The following PTPRN2 variants were observed in gnomAD, a reference collection of about 807,000 sequenced individuals.
PTPRN2 encodes receptor-type tyrosine-protein phosphatase N2.
Under a neutral mutation model 118.8 loss-of-function variants are expected in PTPRN2, and 74 were observed. The observed-to-expected ratio is 0.62, with a 90% CI of 0.52 to 0.76. The LOEUF is 0.76. Ranked by LOEUF, PTPRN2 falls within the 30% of genes least tolerant of loss-of-function variation. The probability of loss-of-function intolerance (pLI) is 0.00; values close to 1 mark genes in which losing one functional copy is unlikely to be tolerated. For synonymous variants in PTPRN2, 641 were observed against 608.0 expected (o/e 1.05, Z -0.80); for missense variants, 1,481 against 1,394.4 (o/e 1.06, Z -0.99).
intron 3 of PTPRN2, among the ~76,000 whole-genome samples, chr7:158,294,718 G>T (rs1297726103): frequency 6.6e-6 from 1 of 152,234 alleles, no homozygotes; most frequent in African/African-American, 2.4e-5. Flanking sequence ...GGAGACCTGG[G>T]AGCACGGGTC....
chr7:158,076,493 T>A (rs1375280765), intron 11 of PTPRN2, among the ~76,000 whole-genome samples: 8 of 152,242 alleles, frequency 5.3e-5, no homozygotes, highest in Admixed American at 5.2e-4. Context: ...GGGGCCAACC[T>A]GCCTGTGTCC....
intron 2 of PTPRN2, among the ~76,000 whole-genome samples, chr7:158,409,861 G>A (rs898449708): frequency 1.3e-5 from 2 of 152,156 alleles, no homozygotes; most frequent in African/African-American, 2.4e-5. Flanking sequence ...TGTTGACGTC[G>A]CCTCTCAAAA....
At chr7:158,578,279 C>CA (rs1828442942) in intron 1 of PTPRN2, among the ~76,000 whole-genome samples, 1 of 142,166 alleles carries the variant, frequency 7.0e-6, no homozygotes, top group Non-Finnish European at 1.5e-5. Context: ...TTATTTAAGT[C>CA]ACCTTTTTTT....
intron 2 of PTPRN2, among the ~76,000 whole-genome samples, chr7:158,419,683 G>A (rs563571159): frequency 1.3e-4 from 20 of 152,184 alleles, no homozygotes; most frequent in Admixed American, 7.9e-4. Flanking sequence ...GAAGAGAGTC[G>A]AATTCACAAG....
At chr7:158,228,615 A>G in intron 3 of PTPRN2, among the ~76,000 whole-genome samples, 1 of 151,958 alleles carries the variant, frequency 6.6e-6, no homozygotes, top group East Asian at 1.9e-4. Context: ...ATACAAAAGG[A>G]GACAGTTCCC....
chr7:157,559,878 G>A (rs370229390), intron 21 of PTPRN2, among the ~76,000 whole-genome samples: 12 of 152,030 alleles, frequency 7.9e-5, no homozygotes, highest in Admixed American at 5.9e-4. Context: ...CTCAGGGGCC[G>A]CCTGCTGCCA....
intron 11 of PTPRN2, chr7:158,028,106 C>CA (rs1184658037): frequency 6.6e-6 from 1 of 152,188 alleles, no homozygotes; most frequent in Non-Finnish European, 1.5e-5. Context: ...CCAAGATGGC[C>CA]AGACAAGAAT....
At chr7:158,158,322 G>A (rs548559841) in intron 6 of PTPRN2, among the ~76,000 whole-genome samples, 2 of 152,232 alleles carry the variant, frequency 1.3e-5, no homozygotes, top group South Asian at 2.1e-4. Flanking sequence ...TGGGCTGCGG[G>A]GAACACGCCC....
chr7:157,546,818 G>A (rs909201424), intron 22 of PTPRN2, among the ~76,000 whole-genome samples: 6 of 152,178 alleles, frequency 3.9e-5, no homozygotes, highest in African/African-American at 2.4e-5. Flanking sequence ...CTCACTTCAC[G>A]AAGGGTCCTG....
At chr7:158,071,545 T>A (rs1585338656) in intron 11 of PTPRN2, among the ~76,000 whole-genome samples, 1 of 125,370 alleles carries the variant, frequency 8.0e-6, no homozygotes, top group African/African-American at 3.2e-5. Context: ...ATGATGGAGG[T>A]GCTCCTGGTG....
At chr7:158,327,437 T>C (rs1803729313) in intron 2 of PTPRN2, among the ~76,000 whole-genome samples, 1 of 151,146 alleles carries the variant, frequency 6.6e-6, no homozygotes, top group African/African-American at 2.4e-5. Flanking sequence ...ACACACATTC[T>C]CACATGCACA....
intron 12 of PTPRN2, among the ~76,000 whole-genome samples, chr7:157,795,954 T>C (rs1282135502): frequency 6.6e-6 from 1 of 152,214 alleles, no homozygotes; most frequent in East Asian, 1.9e-4. Context: ...ATCACCGTGA[T>C]GGAGGGGGGC....
At chr7:158,274,417 G>T (rs1286546977) in intron 3 of PTPRN2, among the ~76,000 whole-genome samples, 1 of 134,120 alleles carries the variant, frequency 7.5e-6, no homozygotes, top group Non-Finnish European at 1.6e-5. Flanking sequence ...GGCACAGGGG[G>T]AGCCGCAGAC....
chr7:158,404,502 CGGG>C (rs1042390283), intron 2 of PTPRN2, among the ~76,000 whole-genome samples: 8 of 151,998 alleles, frequency 5.3e-5, no homozygotes, highest in Non-Finnish European at 1.0e-4. Flanking sequence ...CCCGTGAGGA[CGGG>C]GGCTCCCCAG....
intron 11 of PTPRN2, among the ~76,000 whole-genome samples, chr7:158,049,275 A>G (rs974371468): frequency 5.3e-5 from 8 of 151,720 alleles, no homozygotes; most frequent in African/African-American, 1.9e-4. Flanking sequence ...TTGTCCTTTC[A>G]GTTGGGCATC....
At chr7:158,162,137 C>T (rs749838326) in intron 6 of PTPRN2, among the ~76,000 whole-genome samples, 13 of 152,324 alleles carry the variant, frequency 8.5e-5, no homozygotes, top group Non-Finnish European at 1.5e-4. Context: ...ACTGGTGGCA[C>T]GCAGAATGCA....
intron 4 of PTPRN2, among the ~76,000 whole-genome samples, chr7:158,198,127 C>T (rs1585820807): frequency 6.6e-6 from 1 of 152,168 alleles, no homozygotes; most frequent in Non-Finnish European, 1.5e-5. Context: ...ACTTTTCTCA[C>T]TAATTGCTAA....
At chr7:157,858,111 C>CCCG (rs1563179014) in intron 12 of PTPRN2, among the ~76,000 whole-genome samples, 23 of 89,882 alleles carry the variant, frequency 2.6e-4, no homozygotes, top group African/African-American at 4.5e-4. Flanking sequence ...CAGGGAGAGC[C>CCCG]TCCCAGCCAC....
intron 11 of PTPRN2, among the ~76,000 whole-genome samples, chr7:158,071,910 T>C (rs866961591): frequency 5.8e-4 from 1 of 1,724 alleles, no homozygotes; most frequent in African/African-American, 2.4e-3. Flanking sequence ...TGGAGGTGCT[T>C]GTGGTGGAGG....
Sources: gnomAD v4.1 joint callset for allele counts (sites outside exome capture counted in the v4.1 genomes callset) on GRCh38, gnomAD v4.1.1 for gene constraint, MANE v1.5 for transcripts, NCBI Gene and HGNC (gene_info 2026-07-23, HGNC 2026-07-21) for gene names.